NDUFAF2: variants seen among roughly 807,000 people sequenced by gnomAD.
NDUFAF2 encodes the protein NADH dehydrogenase [ubiquinone] 1 alpha subcomplex assembly factor 2.
In NDUFAF2, 13 loss-of-function variants were observed where a neutral mutation model predicts 22.8. That is an observed-to-expected ratio of 0.57 (90% CI 0.37 to 0.91). NDUFAF2 has a LOEUF of 0.91. Among genes scored for constraint, NDUFAF2 ranks in the 40% least tolerant of loss-of-function variants. The pLI, the probability that NDUFAF2 is intolerant of heterozygous loss-of-function variation, is 0.01. For missense variants in NDUFAF2, 162 were observed against 195.2 expected, an observed-to-expected ratio of 0.83 and a Z score of 1.01; for synonymous variants, 53 against 64.2, an observed-to-expected ratio of 0.83 and a Z score of 0.84.
In NDUFAF2 at chr5:61,106,283, A is replaced by C. The variant is rs187704257; in HGVS notation, c.258+7251A>C. Reference sequence around the variant, plus strand: ...CCTTTCTAGTAGACAAATCTGACAGATACCACCTTAACTAGATGGTCAGAA... The same window carrying C: ...CCTTTCTAGTAGACAAATCTGACAGCTACCACCTTAACTAGATGGTCAGAA... On this transcript the variant is annotated intron_variant, in intron 3 of 3. Transcript: ENST00000296597. 6.6e-4 allele frequency among the ~76,000 whole-genome samples: 100 copies of C among 151,590 alleles called. 5 individuals are homozygous for C. Among genetic ancestry groups the C allele is most frequent in the African/African-American group, 2.3e-3 (95 of 40,914 alleles).
rs145510321 is a variant in NDUFAF2 at position 61,125,565 on chromosome 5, C to T, written c.258+26533C>T. Among the ~76,000 whole-genome samples the T allele has an allele frequency of 2.6e-3, 391 of 152,066 alleles. 1 individual carries two copies. The highest frequency in any genetic ancestry group is 4.2e-3 in the Non-Finnish European group (283 of 67,956). ...TCGAATTCAAGGTCCACATCAATAA[C>T]TTGGCCTTAATGTTTAGGTGGTCCC... is the stretch of plus-strand genomic sequence containing the variant. On this transcript the variant is annotated intron_variant, in intron 3 of 3. Coordinates refer to ENST00000296597, the MANE Select transcript of NDUFAF2 (RefSeq NM_174889.5).
intron 3 of NDUFAF2, among the ~76,000 whole-genome samples, chr5:61,111,774 A>G (rs1341923798): frequency 2.0e-5 from 3 of 151,714 alleles, no homozygotes; most frequent in African/African-American, 4.8e-5. Flanking sequence ...AGGTGCCACC[A>G]CGCCCGGCTA....
intron 1 of NDUFAF2, among the ~76,000 whole-genome samples, chr5:61,064,504 A>T (rs1752205420): frequency 6.6e-6 from 1 of 152,096 alleles, no homozygotes; most frequent in African/African-American, 2.4e-5. Flanking sequence ...GTTAGGCCAC[A>T]AAAGAAGATT....
chr5:61,099,898 T>G (rs1456663295), intron 3 of NDUFAF2, among the ~76,000 whole-genome samples: 3 of 152,082 alleles, frequency 2.0e-5, no homozygotes, highest in Admixed American at 1.3e-4. Flanking sequence ...TGTTGGGAAG[T>G]GGAGTGCTCT....
intron 3 of NDUFAF2, among the ~76,000 whole-genome samples, chr5:61,123,633 G>A (rs960338254): frequency 7.2e-5 from 11 of 152,140 alleles, no homozygotes; most frequent in African/African-American, 2.7e-4. Context: ...ACTGAGAAAT[G>A]AAAGACTTGT....
intron 3 of NDUFAF2, among the ~76,000 whole-genome samples, chr5:61,131,887 T>TA (rs1561135312): frequency 6.6e-6 from 1 of 151,848 alleles, no homozygotes. Flanking sequence ...TGTAGATTTC[T>TA]GTTGTTTACA....
intron 2 of NDUFAF2, among the ~76,000 whole-genome samples, chr5:61,082,091 A>G (rs1752450711): frequency 6.6e-6 from 1 of 152,234 alleles, no homozygotes; most frequent in African/African-American, 2.4e-5. Flanking sequence ...TAGCCTCAGC[A>G]GTAAATGACC....
At chr5:61,022,526 G>A (rs974992520) in intron 1 of NDUFAF2, among the ~76,000 whole-genome samples, 3 of 152,120 alleles carry the variant, frequency 2.0e-5, no homozygotes, top group South Asian at 2.1e-4. Context: ...TTGTTATTGC[G>A]TATGAGACAT....
At chr5:60,972,849 G>A (rs1464755508) in intron 1 of NDUFAF2, among the ~76,000 whole-genome samples, 1 of 139,662 alleles carries the variant, frequency 7.2e-6, no homozygotes, top group Non-Finnish European at 1.5e-5. Context: ...AAGGTTTGTA[G>A]TTTTGTATTT....
intron 1 of NDUFAF2, among the ~76,000 whole-genome samples, chr5:61,071,258 G>A (rs1752296175): frequency 6.6e-6 from 1 of 152,110 alleles, no homozygotes; most frequent in Non-Finnish European, 1.5e-5. Context: ...ATAAGCAAAA[G>A]GTAACTCCTC....
At chr5:61,151,388 T>C (rs75764674) in intron 3 of NDUFAF2, among the ~76,000 whole-genome samples, 3,699 of 152,218 alleles carry the variant, frequency 0.024, 63 homozygotes, top group Non-Finnish European at 0.038. Flanking sequence ...AACATTCTAA[T>C]TTCACATTAC....
intron 2 of NDUFAF2, 61 bp downstream of exon 2, chr5:61,073,275 C>A: frequency 3.4e-6 from 4 of 1,171,046 alleles, no homozygotes; most frequent in South Asian, 1.2e-5. Context: ...TATACAAATT[C>A]AATAAGAGCA....
chr5:61,029,091 C>G (rs1366237755), intron 1 of NDUFAF2, among the ~76,000 whole-genome samples: 1 of 152,088 alleles, frequency 6.6e-6, no homozygotes, highest in Non-Finnish European at 1.5e-5. Context: ...TTTACCCACT[C>G]TGACCCCCAA....
At chr5:61,056,889 C>CAAAAA (rs144850054) in intron 1 of NDUFAF2, among the ~76,000 whole-genome samples, 10 of 46,794 alleles carry the variant, frequency 2.1e-4, no homozygotes, top group South Asian at 1.2e-3. Context: ...ACTCTGTCTC[C>CAAAAA]AAAAAAAAAA....
chr5:61,096,920 C>T (rs1752651222), intron 2 of NDUFAF2, among the ~76,000 whole-genome samples: 1 of 152,100 alleles, frequency 6.6e-6, no homozygotes, highest in South Asian at 2.1e-4. Flanking sequence ...CCTGAGATCA[C>T]ACCATTGCAC....
chr5:61,044,298 G>A (rs989694867), intron 1 of NDUFAF2, among the ~76,000 whole-genome samples: 1 of 151,712 alleles, frequency 6.6e-6, no homozygotes, highest in African/African-American at 2.4e-5. Flanking sequence ...CATTCTCTAG[G>A]TTGTATCTTC....
At chr5:61,022,525 C>T (rs1403672765) in intron 1 of NDUFAF2, among the ~76,000 whole-genome samples, 1 of 152,166 alleles carries the variant, frequency 6.6e-6, no homozygotes, top group Non-Finnish European at 1.5e-5. Flanking sequence ...TTTGTTATTG[C>T]GTATGAGACA....
intron 1 of NDUFAF2, among the ~76,000 whole-genome samples, chr5:61,063,379 A>G (rs1214431177): frequency 1.3e-5 from 2 of 151,668 alleles, no homozygotes; most frequent in Non-Finnish European, 2.9e-5. Flanking sequence ...GTTGTGGCAC[A>G]CACAAGCTAC....
chr5:61,070,811 T>C (rs1004849260), intron 1 of NDUFAF2, among the ~76,000 whole-genome samples: 1 of 152,182 alleles, frequency 6.6e-6, no homozygotes, highest in Non-Finnish European at 1.5e-5. Context: ...CCTCTCCCCA[T>C]GTGCTAAACT....
Sources: allele counts gnomAD v4.1 joint callset (sites outside exome capture counted in the v4.1 genomes callset), GRCh38; gene constraint gnomAD v4.1.1; transcripts MANE v1.5; gene names NCBI Gene and HGNC (gene_info 2026-07-23, HGNC 2026-07-21).